TRPC7: variants seen among roughly 807,000 people sequenced by gnomAD.
The protein encoded by TRPC7 is transient receptor potential cation channel subfamily C member 7, also known as short transient receptor potential channel 7.
A neutral mutation model predicts 90.1 loss-of-function variants in TRPC7; 42 were observed. The observed-to-expected ratio is 0.47, with a 90% CI of 0.36 to 0.60. The LOEUF is 0.60. TRPC7 is among the 20% of genes least tolerant of loss of function. TRPC7 has a pLI of 0.00. For missense variants in TRPC7, 955 were observed against 1,112.3 expected (o/e 0.86, Z 2.01); for synonymous variants, 451 against 436.3 (o/e 1.03, Z -0.42).
intron 2 of TRPC7, among the ~76,000 whole-genome samples, chr5:136,341,107 C>T (rs1036731773): frequency 3.3e-5 from 5 of 152,108 alleles, no homozygotes; most frequent in African/African-American, 7.2e-5. Flanking sequence ...TTTGACCCAG[C>T]GACTCCATTT....
chr5:136,231,573 T>G (rs1016571902), intron 7 of TRPC7, 24 bp from the exon 8 acceptor site: 2 of 1,562,460 alleles, frequency 1.3e-6, no homozygotes, highest in Admixed American at 1.8e-5. Flanking sequence ...GACGGTCCTT[T>G]TACGCAGTTT....
At chr5:136,238,897 A>G (rs1756073936) in intron 7 of TRPC7, among the ~76,000 whole-genome samples, 1 of 152,198 alleles carries the variant, frequency 6.6e-6, no homozygotes, top group South Asian at 2.1e-4. Flanking sequence ...TAGCCCAGGA[A>G]AAGATCTATA....
intron 7 of TRPC7, among the ~76,000 whole-genome samples, chr5:136,238,890 C>T (rs1356203598): frequency 6.6e-6 from 1 of 152,128 alleles, no homozygotes; most frequent in Non-Finnish European, 1.5e-5. Context: ...TCTAAAGTAG[C>T]CCAGGAAAAG....
At chr5:136,320,754 C>T (rs1385194498) in intron 2 of TRPC7, among the ~76,000 whole-genome samples, 2 of 152,188 alleles carry the variant, frequency 1.3e-5, no homozygotes, top group African/African-American at 4.8e-5. Flanking sequence ...CAGACCTTTA[C>T]ACTGGCTATT....
At chr5:136,294,136 T>C (rs1270590276) in intron 3 of TRPC7, among the ~76,000 whole-genome samples, 2 of 152,072 alleles carry the variant, frequency 1.3e-5, no homozygotes, top group Admixed American at 1.3e-4. Flanking sequence ...ATACAAAAAT[T>C]AATTCAAGAT....
At chr5:136,260,640 TGACACTGGCTGTCATTCTGA>T in intron 5 of TRPC7, among the ~76,000 whole-genome samples, 1 of 152,216 alleles carries the variant, frequency 6.6e-6, no homozygotes, top group Admixed American at 6.5e-5. Flanking sequence ...GCCACTATAA[TGACACTGGCTGTCATTCTGA>T]GGGAAATGGG....
intron 2 of TRPC7, among the ~76,000 whole-genome samples, chr5:136,344,221 T>A (rs1167295343): frequency 2.6e-5 from 4 of 152,056 alleles, no homozygotes; most frequent in Admixed American, 2.6e-4. Flanking sequence ...AACTAAACAC[T>A]GAGCGCAAAT....
At chr5:136,272,724 G>C (rs1757245447) in intron 4 of TRPC7, among the ~76,000 whole-genome samples, 1 of 152,100 alleles carries the variant, frequency 6.6e-6, no homozygotes, top group African/African-American at 2.4e-5. Flanking sequence ...AATCACATGA[G>C]TATCTAAACA....
chr5:136,304,490 G>A (rs1758534881), intron 3 of TRPC7, among the ~76,000 whole-genome samples: 1 of 152,068 alleles, frequency 6.6e-6, no homozygotes, highest in Non-Finnish European at 1.5e-5. Flanking sequence ...TCCACCCCGT[G>A]GTGCCAAACC....
At chr5:136,344,915 C>T (rs1487573665) in intron 2 of TRPC7, among the ~76,000 whole-genome samples, 1 of 152,146 alleles carries the variant, frequency 6.6e-6, no homozygotes, top group South Asian at 2.1e-4. Context: ...AGCACACACG[C>T]AAAACAACCA....
At chr5:136,365,032 C>A (rs1581002380) in intron 1 of TRPC7, among the ~76,000 whole-genome samples, 1 of 151,128 alleles carries the variant, frequency 6.6e-6, no homozygotes, top group South Asian at 2.1e-4. Context: ...ATGAGTTGTC[C>A]GTTTCTAAAT....
intron 2 of TRPC7, among the ~76,000 whole-genome samples, chr5:136,317,421 A>T (rs2149839946): frequency 6.6e-6 from 1 of 152,320 alleles, no homozygotes; most frequent in South Asian, 2.1e-4. Context: ...GAGGGGCTTG[A>T]GTTCCACCCT....
chr5:136,325,191 T>C (rs1580956887), intron 2 of TRPC7, among the ~76,000 whole-genome samples: 1 of 152,234 alleles, frequency 6.6e-6, no homozygotes, highest in Non-Finnish European at 1.5e-5. Context: ...ATAAGAAGAC[T>C]GAAAGTTGAC....
chr5:136,292,986 C>G (rs1326786998), intron 3 of TRPC7, among the ~76,000 whole-genome samples: 1 of 152,152 alleles, frequency 6.6e-6, no homozygotes, highest in African/African-American at 2.4e-5. Flanking sequence ...AAGGCTGGTT[C>G]AACGTATGAA....
intron 3 of TRPC7, among the ~76,000 whole-genome samples, chr5:136,295,835 G>A (rs575927452): frequency 6.6e-5 from 10 of 152,226 alleles, no homozygotes; most frequent in Non-Finnish European, 1.2e-4. Flanking sequence ...CCAAAATGAC[G>A]GATATACATA....
intron 5 of TRPC7, among the ~76,000 whole-genome samples, chr5:136,265,792 C>T (rs1396076838): frequency 6.6e-6 from 1 of 151,982 alleles, no homozygotes; most frequent in African/African-American, 2.4e-5. Flanking sequence ...TTTATTATCA[C>T]AATTCTACTA....
At position 136,357,351 on chromosome 5, in the gene TRPC7, G is replaced by T. The variant is rs577536758; in HGVS notation, c.37C>A (p.Arg13=). The T allele has an allele frequency of 2.5e-6, 4 of 1,601,872 alleles. No individual in the cohort carries two copies. The African/African-American group carries it at 4.0e-5, about 16-fold the overall frequency. The change falls in exon 2 of 12, where the codon CGG becomes AGG. Residue 13 remains arginine (R), a synonymous_variant. Coordinates refer to ENST00000513104, the MANE Select transcript of TRPC7 (RefSeq NM_020389.3). ...RNSTFKNMQR[R]HTTLREKGRR... ...CCCTTCTCCCTCAGCGTTGTGTGCCGGCGCTGCATGTTTTTGAAGGTGCTG... is the reference window on the plus strand; with the variant it reads ...CCCTTCTCCCTCAGCGTTGTGTGCCTGCGCTGCATGTTTTTGAAGGTGCTG...
At chr5:136,319,022 T>C (rs1759111954) in intron 2 of TRPC7, among the ~76,000 whole-genome samples, 1 of 152,164 alleles carries the variant, frequency 6.6e-6, no homozygotes, top group African/African-American at 2.4e-5. Context: ...TGAATGTGGC[T>C]GAGAACACAC....
chr5:136,304,130 T>C (rs563273665), intron 3 of TRPC7, among the ~76,000 whole-genome samples: 249 of 152,104 alleles, frequency 1.6e-3, no homozygotes, highest in Middle Eastern at 3.4e-3. Context: ...TACAGCTGCA[T>C]CTCATTGCTG....
Sources: gnomAD v4.1 joint callset for allele counts (sites outside exome capture counted in the v4.1 genomes callset) on GRCh38, gnomAD v4.1.1 for gene constraint, MANE v1.5 for transcripts, NCBI Gene and HGNC (gene_info 2026-07-23, HGNC 2026-07-21) for gene names.